Variants in GABRG3 observed in about 807,000 individuals in gnomAD.
GABRG3 encodes gamma-aminobutyric acid type A receptor subunit gamma3.
GABRG3 carries 25 observed loss-of-function variants against 48.8 expected under a neutral mutation model. That is an observed-to-expected ratio of 0.51 (90% CI 0.37 to 0.72). GABRG3 has a LOEUF of 0.72. GABRG3 is among the 30% of genes least tolerant of loss of function. GABRG3 has a pLI of 0.00. For synonymous variants in GABRG3, 227 were observed against 217.6 expected (o/e 1.04, Z -0.38); for missense variants, 394 against 577.9 (o/e 0.68, Z 3.26).
chr15:27,467,658 TTATGG>T (rs1210634327), intron 5 of GABRG3, among the ~76,000 whole-genome samples: 1 of 152,232 alleles, frequency 6.6e-6, no homozygotes, highest in Non-Finnish European at 1.5e-5. Context: ...GTTCTATTTT[TTATGG>T]ATAAAAGAGT....
At chr15:27,525,055 C>T (rs187397144) in intron 7 of GABRG3, among the ~76,000 whole-genome samples, 97 of 152,070 alleles carry the variant, frequency 6.4e-4, no homozygotes, top group South Asian at 1.2e-3. Flanking sequence ...CAAAATATCC[C>T]GCAACAAGTG....
chr15:27,285,299 GTGTTTTC>G (rs1367439527), intron 3 of GABRG3, among the ~76,000 whole-genome samples: 2 of 110,020 alleles, frequency 1.8e-5, no homozygotes. Flanking sequence ...GTGTGTGTGT[GTGTTTTC>G]TTCTTTGCCC....
At chr15:27,402,815 G>A (rs1405533790) in intron 5 of GABRG3, among the ~76,000 whole-genome samples, 1 of 152,210 alleles carries the variant, frequency 6.6e-6, no homozygotes, top group African/African-American at 2.4e-5. Flanking sequence ...CAGGAGGAGA[G>A]CAAGAAATAA....
At chr15:26,980,493 C>T (rs573639196) in intron 2 of GABRG3, among the ~76,000 whole-genome samples, 42 of 151,994 alleles carry the variant, frequency 2.8e-4, no homozygotes, top group East Asian at 2.3e-3. Context: ...CTGGCTAACA[C>T]GGTGAAATCC....
chr15:27,253,793 A>T (rs1291174700), intron 3 of GABRG3, among the ~76,000 whole-genome samples: 3 of 152,220 alleles, frequency 2.0e-5, no homozygotes, highest in Non-Finnish European at 1.5e-5. Flanking sequence ...GTCTTTTGCA[A>T]TATAATGGAA....
At chr15:27,444,988 C>T (rs1888900464) in intron 5 of GABRG3, among the ~76,000 whole-genome samples, 1 of 152,088 alleles carries the variant, frequency 6.6e-6, no homozygotes, top group African/African-American at 2.4e-5. Context: ...TCTCCTGCCT[C>T]AGCCTCCCAA....
At chr15:27,271,335 G>A (rs567488171) in intron 3 of GABRG3, among the ~76,000 whole-genome samples, 1 of 152,176 alleles carries the variant, frequency 6.6e-6, no homozygotes, top group African/African-American at 2.4e-5. Context: ...AACTGCCTCC[G>A]CGGGTGCCTC....
At chr15:27,136,050 C>T (rs902523180) in intron 3 of GABRG3, among the ~76,000 whole-genome samples, 3 of 152,202 alleles carry the variant, frequency 2.0e-5, no homozygotes, top group Admixed American at 2.0e-4. Context: ...GAAGAGCTGA[C>T]AGCACCACGA....
chr15:27,064,758 G>T (rs572793547), intron 3 of GABRG3, among the ~76,000 whole-genome samples: 5 of 152,236 alleles, frequency 3.3e-5, no homozygotes, highest in African/African-American at 1.2e-4. Flanking sequence ...GTGTCCACAG[G>T]TGCTTTCAGG....
intron 3 of GABRG3, among the ~76,000 whole-genome samples, chr15:27,114,887 G>A (rs537304142): frequency 1.9e-4 from 29 of 151,942 alleles, no homozygotes; most frequent in Admixed American, 3.3e-4. Flanking sequence ...CATGGAACTC[G>A]CAGATGTAAT....
rs545841112 is a variant in GABRG3, at chr15:27,505,236, T to A, written c.713-14736T>A. On this transcript the variant is annotated intron_variant, in intron 6 of 9. Transcript: ENST00000615808. ...TGTCTGTTTTCTCATGTTAGACACT[T>A]CTCATTGTATCACATAGGGATTACA... is the stretch of plus-strand genomic sequence containing the variant. Among the ~76,000 whole-genome samples, 7 of 152,304 alleles carry A rather than the reference T, an allele frequency of 4.6e-5. No individual in the cohort carries two copies. The South Asian group carries it at 1.5e-3, about 32-fold the overall frequency.
At chr15:27,178,010 T>A (rs561500503) in intron 3 of GABRG3, among the ~76,000 whole-genome samples, 1 of 151,960 alleles carries the variant, frequency 6.6e-6, no homozygotes, top group African/African-American at 2.4e-5. Context: ...TGATAAGACA[T>A]CTCCTGGGGG....
intron 3 of GABRG3, among the ~76,000 whole-genome samples, chr15:27,127,509 G>T (rs892247359): frequency 3.3e-5 from 5 of 151,920 alleles, no homozygotes; most frequent in Non-Finnish European, 7.4e-5. Context: ...AAATCTCTGG[G>T]GTCTCCTTGG....
At chr15:27,129,012 T>A (rs1823214548) in intron 3 of GABRG3, among the ~76,000 whole-genome samples, 1 of 152,194 alleles carries the variant, frequency 6.6e-6, no homozygotes, top group Admixed American at 6.5e-5. Flanking sequence ...TATTGGAGGT[T>A]TGGGAAATTT....
chr15:27,388,145 A>AGGT (rs1896032864), intron 5 of GABRG3, among the ~76,000 whole-genome samples: 1 of 69,556 alleles, frequency 1.4e-5, no homozygotes, highest in African/African-American at 9.4e-5. Context: ...AGGGAGGGTA[A>AGGT]GGAAGGAAGG....
At chr15:27,193,116 G>A (rs1192749788) in intron 3 of GABRG3, among the ~76,000 whole-genome samples, 1 of 152,208 alleles carries the variant, frequency 6.6e-6, no homozygotes, top group African/African-American at 2.4e-5. Flanking sequence ...TGAGGTGTCA[G>A]TCTGCCCCTA....
intron 3 of GABRG3, among the ~76,000 whole-genome samples, chr15:27,145,347 G>A (rs208166): frequency 0.23 from 35,116 of 151,698 alleles, 4,854 homozygotes; most frequent in African/African-American, 0.36. Flanking sequence ...AAAAAAAATA[G>A]AGCATATAAA....
intron 5 of GABRG3, among the ~76,000 whole-genome samples, chr15:27,348,958 A>G (rs532319353): frequency 6.6e-6 from 1 of 152,290 alleles, no homozygotes; most frequent in South Asian, 2.1e-4. Flanking sequence ...GTAGTGGGAC[A>G]CAGGAAGAAC....
At chr15:27,381,854 G>A (rs920082538) in intron 5 of GABRG3, among the ~76,000 whole-genome samples, 46 of 152,084 alleles carry the variant, frequency 3.0e-4, no homozygotes, top group African/African-American at 1.0e-3. Flanking sequence ...GAGATGGGAG[G>A]CTGAGATGAA....
Sources: gnomAD v4.1 joint callset for allele counts (sites outside exome capture counted in the v4.1 genomes callset) on GRCh38, gnomAD v4.1.1 for gene constraint, MANE v1.5 for transcripts, NCBI Gene and HGNC (gene_info 2026-07-23, HGNC 2026-07-21) for gene names.